Variants in RIN3 observed in about 807,000 individuals in gnomAD.
RIN3 encodes the protein RAB5 interacting protein 3.
RIN3 carries 54 observed loss-of-function variants against 76.3 expected under a neutral mutation model. The observed-to-expected ratio is 0.71, with a 90% CI of 0.57 to 0.89. RIN3 has a LOEUF of 0.89. RIN3 is among the 40% of genes least tolerant of loss of function. The pLI is 0.00. For synonymous variants in RIN3, 576 were observed against 564.0 expected, an observed-to-expected ratio of 1.02 and a Z score of -0.30; for missense variants, 1,256 against 1,322.1, an observed-to-expected ratio of 0.95 and a Z score of 0.78.
chr14:92,555,604 T>G, intron 1 of RIN3, 147 bp from the exon 2 acceptor site: 1 of 735,690 alleles, frequency 1.4e-6, no homozygotes, highest in East Asian at 2.7e-5. Flanking sequence ...ATGAAGACCA[T>G]GGTTTGTTGA....
rs1888963200 is a variant in RIN3, at chr14:92,688,409, C to T, written c.*157C>T. 6 of 709,136 alleles carry T rather than the reference C, an allele frequency of 8.5e-6. No homozygotes were observed. Among genetic ancestry groups the T allele is most frequent in the Admixed American group, 3.0e-5 (1 of 33,112 alleles). The allele number at this position is 709,136 out of a possible 1,614,324, so 43.9% of individuals were successfully genotyped here. A position where few individuals can be genotyped will look rare whatever the true frequency, so the allele number is the denominator to read the frequency against. ...CAGGACAGTTGTGAAAATAACATGA[C>T]GCTCGTCCAAGGCCACTTCCTGAGG... On this transcript the variant is annotated 3_prime_UTR_variant, in exon 10 of 10. Coordinates refer to ENST00000216487, the MANE Select transcript of RIN3 (RefSeq NM_024832.5).
At chr14:92,579,086 C>T (rs1208532329) in intron 3 of RIN3, among the ~76,000 whole-genome samples, 2 of 152,138 alleles carry the variant, frequency 1.3e-5, no homozygotes, top group Non-Finnish European at 2.9e-5. Flanking sequence ...TGCCACCACA[C>T]CCGGCTAATT....
At chr14:92,560,784 C>T (rs1412963301) in intron 2 of RIN3, among the ~76,000 whole-genome samples, 1 of 151,704 alleles carries the variant, frequency 6.6e-6, no homozygotes, top group East Asian at 1.9e-4. Flanking sequence ...TTTGGGAGGC[C>T]AAGGCGGGTG....
chr14:92,597,831 A>T (rs1885204691), intron 3 of RIN3, among the ~76,000 whole-genome samples: 2 of 152,164 alleles, frequency 1.3e-5, no homozygotes, highest in African/African-American at 4.8e-5. Flanking sequence ...CTGAGTTATG[A>T]CGCAAAATAT....
chr14:92,646,961 T>C (rs1028551458), intron 5 of RIN3, among the ~76,000 whole-genome samples: 2 of 152,232 alleles, frequency 1.3e-5, no homozygotes, highest in African/African-American at 4.8e-5. Context: ...AGCCAAGGAA[T>C]GTCTAGTTAA....
intron 3 of RIN3, among the ~76,000 whole-genome samples, chr14:92,580,786 C>T (rs369480997): frequency 6.6e-6 from 1 of 152,180 alleles, no homozygotes; most frequent in Non-Finnish European, 1.5e-5. Context: ...GTCTTCCTGC[C>T]AAGGCCTAGG....
At chr14:92,580,442 G>C (rs1898400614) in intron 3 of RIN3, among the ~76,000 whole-genome samples, 2 of 152,362 alleles carry the variant, frequency 1.3e-5, no homozygotes, top group Middle Eastern at 3.4e-3. Context: ...TCTGTGCCAG[G>C]CACTGTTCAC....
Position 92,577,488 on chromosome 14 carries a change from AT to A in RIN3, c.367+12del. 1 of 1,566,508 alleles carries A rather than the reference AT, an allele frequency of 6.4e-7. No individual in the cohort carries two copies. Among genetic ancestry groups the A allele is most frequent in the South Asian group, 1.1e-5 (1 of 89,840 alleles). Reference sequence around the variant, plus strand: ...AGGAAGAAAAGTCGAGTAAGTACCCATCTTCTCTGTTTTCACTTTGACCACG... The same window carrying A: ...AGGAAGAAAAGTCGAGTAAGTACCCACTTCTCTGTTTTCACTTTGACCACG... On this transcript the variant is annotated intron_variant, in intron 3 of 9. Transcript: ENST00000216487.
At position 92,640,665 on chromosome 14, in the gene RIN3, G is replaced by A. The variant is rs34168759; in HGVS notation, c.441-573G>A. 6.9e-4 allele frequency among the ~76,000 whole-genome samples: 4 copies of A among 5,790 alleles called. 1 individual carries two copies. Among genetic ancestry groups the A allele is most frequent in the Non-Finnish European group, 1.9e-3 (4 of 2,152 alleles). The allele number at this position is 5,790 out of a possible 152,430, so 3.8% of individuals were successfully genotyped here. On this transcript the variant is annotated intron_variant, in intron 4 of 9. Transcript: ENST00000216487. ...GGAGATGCCTGACTGTGTGTTCATC[G>A]GGGGCTGCCTGACTGTGCGTTTGCT...
chr14:92,585,561 A>G (rs1270230185), intron 3 of RIN3, among the ~76,000 whole-genome samples: 2 of 152,210 alleles, frequency 1.3e-5, no homozygotes, highest in African/African-American at 4.8e-5. Flanking sequence ...CTAAAAGCAC[A>G]TGCCTTAGAG....
Position 92,648,374 on chromosome 14 carries a change from T to C in RIN3, c.533-3208T>C, listed in dbSNP as rs1329060679. 6.6e-6 allele frequency among the ~76,000 whole-genome samples: 1 copy of C among 152,224 alleles called. No homozygotes were observed. Among genetic ancestry groups the C allele is most frequent in the Non-Finnish European group, 1.5e-5 (1 of 68,038 alleles). On this transcript the variant is annotated intron_variant, in intron 5 of 9. Transcript: ENST00000216487. The surrounding 1 kb of genome is among the most constrained non-coding windows in gnomAD (Gnocchi z 4.1). ...TCCACACCTGAGCAATGGGAAATGT[T>C]GTCTTCTGTTCTGTGCCTAATGGAG...
chr14:92,620,501 C>G (rs895455928), intron 4 of RIN3, among the ~76,000 whole-genome samples: 1 of 152,074 alleles, frequency 6.6e-6, no homozygotes, highest in African/African-American at 2.4e-5. Context: ...ACAAAGGTAG[C>G]TTTGGAATTC....
intron 1 of RIN3, among the ~76,000 whole-genome samples, chr14:92,534,239 ATTT>A (rs34391787): frequency 1.2e-4 from 15 of 126,586 alleles, no homozygotes; most frequent in African/African-American, 1.5e-4. Flanking sequence ...GAGTCATGTC[ATTT>A]TTTTTTTTTT....
chr14:92,568,695 T>C lies in RIN3; in HGVS notation c.250-8665T>C, dbSNP rs1275107280. On this transcript the variant is annotated intron_variant, in intron 2 of 9. Coordinates refer to ENST00000216487, the MANE Select transcript of RIN3 (RefSeq NM_024832.5). The surrounding 1 kb of genome is among the most constrained non-coding windows in gnomAD (Gnocchi z 4.2). ...CCATGCCAAACTCAGAGTCCGTCCC[T>C]GCCCCACTCTCCATCGTGAACTCAC... 6.6e-6 allele frequency among the ~76,000 whole-genome samples: 1 copy of C among 152,224 alleles called. No individual in the cohort carries two copies. The highest frequency in any genetic ancestry group is 6.5e-5 in the Admixed American group (1 of 15,290).
At chr14:92,586,427 T>G (rs1023043627) in intron 3 of RIN3, 2 of 152,214 alleles carry the variant, frequency 1.3e-5, no homozygotes, top group African/African-American at 4.8e-5. Flanking sequence ...TAACCACAGT[T>G]TATTTCTTTC....
intron 3 of RIN3, among the ~76,000 whole-genome samples, chr14:92,594,942 T>C (rs1415462621): frequency 6.6e-6 from 1 of 152,246 alleles, no homozygotes; most frequent in African/African-American, 2.4e-5. Flanking sequence ...TTTTCCTTTA[T>C]AATCCAGGTG....
chr14:92,530,494 C>T (rs1399291613), intron 1 of RIN3, among the ~76,000 whole-genome samples: 2 of 152,156 alleles, frequency 1.3e-5, no homozygotes, highest in African/African-American at 2.4e-5. Flanking sequence ...TACTCAGGGT[C>T]GAGTTTTTGT....
chr14:92,584,145 G>A (rs1412530308), intron 3 of RIN3, among the ~76,000 whole-genome samples: 4 of 152,112 alleles, frequency 2.6e-5, no homozygotes, highest in South Asian at 4.1e-4. Flanking sequence ...CTCAGATTTC[G>A]GTTTCTGAGG....
At chr14:92,646,191 C>T (rs1370937424) in intron 5 of RIN3, among the ~76,000 whole-genome samples, 1 of 152,156 alleles carries the variant, frequency 6.6e-6, no homozygotes, top group Non-Finnish European at 1.5e-5. Context: ...CCGTGCTCTG[C>T]CTGCGCTATG....
Sources: allele counts gnomAD v4.1 joint callset (sites outside exome capture counted in the v4.1 genomes callset), GRCh38; gene constraint gnomAD v4.1.1; non-coding constraint Gnocchi (gnomAD v3.1); transcripts MANE v1.5; gene names NCBI Gene and HGNC (gene_info 2026-07-23, HGNC 2026-07-21).